The following CCDC192 variants were observed in gnomAD, a reference collection of about 807,000 sequenced individuals.
CCDC192 encodes coiled-coil domain containing 192, also known as coiled-coil domain-containing protein 192.
At chr5:127,762,569 ATTG>A (rs1754991045) in intron 3 of CCDC192, among the ~76,000 whole-genome samples, 1 of 152,202 alleles carries the variant, frequency 6.6e-6, no homozygotes, top group African/African-American at 2.4e-5. Context: ...TCTGTAGTAT[ATTG>A]TTGTTGCAGG....
intron 6 of CCDC192, among the ~76,000 whole-genome samples, chr5:127,936,270 A>T (rs1754184188): frequency 1.3e-5 from 2 of 152,198 alleles, no homozygotes; most frequent in African/African-American, 4.8e-5. Flanking sequence ...TTTAGTTATT[A>T]TTAGTCATTT....
intron 6 of CCDC192, among the ~76,000 whole-genome samples, chr5:127,930,207 TTAAACTAAACTAAACTAAACTAAAG>T (rs1753982933): frequency 6.7e-6 from 1 of 148,970 alleles, no homozygotes; most frequent in African/African-American, 2.5e-5. Context: ...TCTTCTCAAA[TTAAACTAAACTAAACTAAACTAAAG>T]TAAACTAAAC....
intron 2 of CCDC192, among the ~76,000 whole-genome samples, chr5:127,710,683 G>A (rs548046371): frequency 3.3e-5 from 5 of 152,190 alleles, no homozygotes; most frequent in East Asian, 1.9e-4. Flanking sequence ...CTCTGAATCC[G>A]TAGAGCAGCC....
chr5:127,884,169 C>T (rs1340474328), intron 6 of CCDC192, among the ~76,000 whole-genome samples: 4 of 151,790 alleles, frequency 2.6e-5, no homozygotes, highest in Non-Finnish European at 5.9e-5. Context: ...CGGTGAAACC[C>T]TGCCTCTACT....
At chr5:127,912,223 C>T (rs1279701366) in intron 6 of CCDC192, among the ~76,000 whole-genome samples, 1 of 151,540 alleles carries the variant, frequency 6.6e-6, no homozygotes, top group Non-Finnish European at 1.5e-5. Flanking sequence ...AGCAACTGCT[C>T]CCGTCCCAAA....
intron 3 of CCDC192, among the ~76,000 whole-genome samples, chr5:127,771,063 A>G (rs186644649): frequency 6.6e-6 from 1 of 152,322 alleles, no homozygotes; most frequent in East Asian, 1.9e-4. Context: ...GACCATAAAA[A>G]TTGATTCAGG....
rs539177605 is a variant in CCDC192, at chr5:127,883,931, C to T, written c.535+8270C>T. On this transcript the variant is annotated intron_variant, in intron 6 of 6. Coordinates refer to ENST00000514853, the MANE Select transcript of CCDC192 (RefSeq NM_001317938.2). ...TGAACCGCGGGCTTTCTAGACTCCT[C>T]CGATGGCCCCTCCTTGCCTATTGAC... Among the ~76,000 whole-genome samples the T allele has an allele frequency of 7.2e-5, 11 of 152,278 alleles. No homozygotes were observed. The South Asian group carries it at 2.1e-3, about 29-fold the overall frequency.
intron 5 of CCDC192, among the ~76,000 whole-genome samples, chr5:127,803,994 C>A (rs977561515): frequency 6.6e-6 from 1 of 152,148 alleles, no homozygotes; most frequent in African/African-American, 2.4e-5. Flanking sequence ...ACCACTGAGG[C>A]CTGGAAGCTC....
chr5:127,765,526 G>A (rs1755172451), intron 3 of CCDC192, among the ~76,000 whole-genome samples: 12 of 151,998 alleles, frequency 7.9e-5, no homozygotes, highest in Admixed American at 7.9e-4. Flanking sequence ...ACTTTTTAAA[G>A]TCCCCAGTAA....
intron 5 of CCDC192, among the ~76,000 whole-genome samples, chr5:127,847,156 C>A (rs1354254651): frequency 1.3e-5 from 2 of 152,166 alleles, no homozygotes; most frequent in African/African-American, 4.8e-5. Flanking sequence ...CTTTGTGTTT[C>A]ATTACTTTCC....
chr5:127,912,916 G>A (rs546573554), intron 6 of CCDC192, among the ~76,000 whole-genome samples: 1 of 152,336 alleles, frequency 6.6e-6, no homozygotes, highest in South Asian at 2.1e-4. Flanking sequence ...GGGTGACACT[G>A]TAGGTGTGTT....
chr5:127,812,131 A>G (rs934447994), intron 5 of CCDC192, among the ~76,000 whole-genome samples: 9 of 152,190 alleles, frequency 5.9e-5, no homozygotes, highest in African/African-American at 2.2e-4. Flanking sequence ...TGAGGGTTAA[A>G]TGTGTTAATT....
chr5:127,941,077 CTCTTT>C, intron 6 of CCDC192, 100 bp from the exon 7 acceptor site: 2 of 397,728 alleles, frequency 5.0e-6, no homozygotes, highest in Non-Finnish European at 8.9e-6. Flanking sequence ...CATCTGTGCT[CTCTTT>C]TAAGAACGTG....
intron 5 of CCDC192, among the ~76,000 whole-genome samples, chr5:127,798,553 A>T (rs1272818017): frequency 6.6e-6 from 1 of 152,152 alleles, no homozygotes; most frequent in African/African-American, 2.4e-5. Flanking sequence ...GTATGTAAGA[A>T]TCACCTGATA....
At chr5:127,856,549 G>A (rs907957982) in intron 5 of CCDC192, among the ~76,000 whole-genome samples, 3 of 152,186 alleles carry the variant, frequency 2.0e-5, no homozygotes, top group Non-Finnish European at 4.4e-5. Flanking sequence ...ACTCTATGGT[G>A]CAACAGGCCT....
chr5:127,757,808 T>A lies in CCDC192; in HGVS notation c.222+3433T>A, dbSNP rs975562350. ...CACACACACACACACACTCTCTCTC[T>A]CTCTCTCTCTCAATCTGTGTGTATG... On this transcript the variant is annotated intron_variant, in intron 3 of 6. Transcript: ENST00000514853. Among the ~76,000 whole-genome samples, 833 of 147,570 alleles carry A rather than the reference T, an allele frequency of 5.6e-3. 11 individuals are homozygous for A. Among genetic ancestry groups the A allele is most frequent in the African/African-American group, 0.02 (785 of 39,028 alleles).
intron 2 of CCDC192, among the ~76,000 whole-genome samples, chr5:127,733,931 A>ATT (rs1554069665): frequency 4.3e-4 from 61 of 143,292 alleles, no homozygotes; most frequent in East Asian, 5.9e-4. Context: ...ATATATATAT[A>ATT]TTTTTTTATT....
rs914529611 is a variant in CCDC192, at chr5:127,855,100, GGGT to G, written c.412-20423_412-20421del. On this transcript the variant is annotated intron_variant, in intron 5 of 6. Coordinates refer to ENST00000514853, the MANE Select transcript of CCDC192 (RefSeq NM_001317938.2). ...AGTGTTGATGGCTGCTGATTGGTCAGGGTGGTGGTGGTGGTGGATGTTTGCTGC... is the reference window on the plus strand; with the variant it reads ...AGTGTTGATGGCTGCTGATTGGTCAGGGTGGTGGTGGTGGATGTTTGCTGC... Among the ~76,000 whole-genome samples the G allele has an allele frequency of 1.2e-4, 18 of 152,178 alleles. 1 individual carries two copies. The South Asian group carries it at 3.3e-3, about 28-fold the overall frequency.
chr5:127,739,243 G>C (rs1290708741), intron 2 of CCDC192, among the ~76,000 whole-genome samples: 1 of 152,156 alleles, frequency 6.6e-6, no homozygotes. Flanking sequence ...AGGCTGCCCG[G>C]GGGTCAGGGG....
Sources: allele counts gnomAD v4.1 joint callset (sites outside exome capture counted in the v4.1 genomes callset), GRCh38; gene constraint gnomAD v4.1.1; transcripts MANE v1.5; gene names NCBI Gene and HGNC (gene_info 2026-07-23, HGNC 2026-07-21).